The following RNF17 variants were observed in gnomAD, a reference collection of about 807,000 sequenced individuals.
RNF17 encodes the protein ring finger protein 17.
A neutral mutation model predicts 200.5 loss-of-function variants in RNF17; 31 were observed. The ratio of observed to expected loss-of-function variants is 0.15; its 90% CI spans 0.12 to 0.21. The LOEUF (loss-of-function observed/expected upper bound fraction) is 0.21, where lower values mean the gene tolerates loss of function less well. Ranked by LOEUF, RNF17 falls within the 10% of genes least tolerant of loss-of-function variation. The pLI is 1.00. For missense variants in RNF17, 1,628 were observed against 1,905.1 expected, an observed-to-expected ratio of 0.85 and a Z score of 2.71; for synonymous variants, 606 against 637.8, an observed-to-expected ratio of 0.95 and a Z score of 0.75.
intron 31 of RNF17, among the ~76,000 whole-genome samples, chr13:24,870,335 C>T (rs1442385926): frequency 6.6e-6 from 1 of 152,158 alleles, no homozygotes; most frequent in Non-Finnish European, 1.5e-5. Context: ...CCTCCCACCT[C>T]AGCCTTCCAA....
At chr13:24,779,059 TG>T (rs1257121081) in intron 4 of RNF17, among the ~76,000 whole-genome samples, 1 of 152,114 alleles carries the variant, frequency 6.6e-6, no homozygotes, top group Admixed American at 6.5e-5. Flanking sequence ...TGTGGTGCTG[TG>T]GTCGTGCACA....
intron 26 of RNF17, 48 bp downstream of exon 26, chr13:24,859,212 C>G (rs749571757): frequency 8.7e-6 from 12 of 1,375,300 alleles, no homozygotes; most frequent in Middle Eastern, 1.9e-4. Context: ...AATGCTATAG[C>G]ATTAAATAGT....
In RNF17 at chr13:24,789,404, A is replaced by G. The variant is rs770813851; in HGVS notation, c.840A>G (p.Pro280=). 2 of 1,603,036 alleles carry G rather than the reference A, an allele frequency of 1.2e-6. No individual in the cohort carries two copies. Among genetic ancestry groups the G allele is most frequent in the Admixed American group, 1.7e-5 (1 of 59,916 alleles). Residue 280 remains proline, a synonymous_variant, in exon 8 of 36, where the codon CCA becomes CCG. Transcript: ENST00000255324. ...GTGAATTAGCACAAGTTAGTTCTCC[A>G]CAACTAAGGAACCCTCCCAGGTAAG... The part of the protein sequence containing the change: ...SDSELAQVSS[P]QLRNPPRLSV...
At chr13:24,812,167 C>T (rs1178281783) in intron 15 of RNF17, among the ~76,000 whole-genome samples, 3 of 146,204 alleles carry the variant, frequency 2.1e-5, no homozygotes, top group African/African-American at 7.3e-5. Context: ...TGGTGGGCTC[C>T]ACCCAGTTCG....
At chr13:24,824,234 T>G in intron 15 of RNF17, 1 of 713,444 alleles carries the variant, frequency 1.4e-6, no homozygotes. Flanking sequence ...CACTTTCTCA[T>G]TTTTTCAATG....
At chr13:24,759,323 A>G (rs1878488004), upstream of RNF17, among the ~76,000 whole-genome samples, 1 of 152,182 alleles carries the variant, frequency 6.6e-6, no homozygotes, top group South Asian at 2.1e-4. Flanking sequence ...CACAAACACA[A>G]TTTAAAAATT....
chr13:24,782,068 A>G (rs1882455970), intron 6 of RNF17, 124 bp downstream of exon 6: 2 of 689,118 alleles, frequency 2.9e-6, no homozygotes, highest in African/African-American at 1.8e-5. Context: ...GTAACTTTCA[A>G]ACAAGTTTGG....
intron 16 of RNF17, among the ~76,000 whole-genome samples, chr13:24,827,658 C>T (rs911670355): frequency 1.3e-4 from 17 of 134,786 alleles, no homozygotes; most frequent in Admixed American, 6.4e-4. Context: ...GCCGAGATCC[C>T]GCCACTGCAC....
Position 24,842,046 on chromosome 13 carries a change from C to G in RNF17, c.2488C>G (p.Leu830Val). Residue 830 changes from leucine to valine, a missense_variant, in exon 19 of 36, where the codon CTG (leucine) becomes GTG (valine). By Grantham distance (32) the Leu-to-Val change is conservative (BLOSUM62 1). Around this residue, in one of 5 missense-constraint regions of RNF17, gnomAD observed 227 missense variants for 319.8 expected, o/e 0.71. Coordinates refer to ENST00000255324, the MANE Select transcript of RNF17 (RefSeq NM_031277.3). ...CTTTCTTAATGGTTTTACAGAAATT[C>G]TGGAAGATAATGTGCTCTTAGTTGA... ...KFMTCSVIKI[L>V]EDNVLLVELF... 2 of 1,601,750 alleles carry G rather than the reference C, an allele frequency of 1.2e-6. No individual in the cohort carries two copies. Among genetic ancestry groups the G allele is most frequent in the Non-Finnish European group, 8.5e-7 (1 of 1,175,732 alleles).
chr13:24,767,243 A>ATC (rs149280188), intron 1 of RNF17, 29 bp from the exon 2 acceptor site: 12 of 1,473,974 alleles, frequency 8.1e-6, no homozygotes, highest in South Asian at 2.3e-5. Context: ...CATCATCATC[A>ATC]AAATAATAAT....
chr13:24,861,316 C>G lies in RNF17; in HGVS notation c.3823C>G (p.Leu1275Val). Residue 1275 changes from leucine to valine, a missense_variant, in exon 27 of 36, where the codon CTT (leucine) becomes GTT (valine). Around this residue, in one of 5 missense-constraint regions of RNF17, gnomAD observed 609 missense variants for 681.9 expected, o/e 0.89. Transcript: ENST00000255324. ...GFTEKIPQCH[L>V]YPILLYPDIP... ...CACTGAAAAGATTCCGCAGTGCCATCTTTACCCTATTTTGCTGTATCCTGA... is the reference window on the plus strand; with the variant it reads ...CACTGAAAAGATTCCGCAGTGCCATGTTTACCCTATTTTGCTGTATCCTGA... 1 of 1,594,652 alleles carries G rather than the reference C, an allele frequency of 6.3e-7. No individual in the cohort carries two copies. The highest frequency in any genetic ancestry group is 1.1e-5 in the South Asian group (1 of 89,124).
downstream of RNF17, chr13:24,883,133 C>T (rs577663382): frequency 3.4e-6 from 5 of 1,491,452 alleles, no homozygotes; most frequent in African/African-American, 4.1e-5. Flanking sequence ...CATTTTTTAA[C>T]ATAAAAAGTC....
Position 24,812,674 on chromosome 13 carries a change from G to GCCC in RNF17, c.2091+8247_2091+8249dup, listed in dbSNP as rs71186848. The stretch of plus-strand genomic sequence containing the variant: ...AGCCATCTTGGCTCCTCCCCTCCCC[G>GCCC]CCCCACCCCCTTTTTTTTTTTTTTT... On this transcript the variant is annotated intron_variant, in intron 15 of 35. Transcript: ENST00000255324. Among the ~76,000 whole-genome samples, 237 of 24,100 alleles carry GCCC rather than the reference G, an allele frequency of 9.8e-3. 29 individuals are homozygous for GCCC. Among genetic ancestry groups the GCCC allele is most frequent in the Admixed American group, 0.022 (41 of 1,852 alleles). The allele number at this position is 24,100 out of a possible 152,430, so 15.8% of individuals were successfully genotyped here. A position where few individuals can be genotyped will look rare whatever the true frequency, so the allele number is the denominator to read the frequency against.
chr13:24,782,905 T>G (rs925907405), intron 6 of RNF17, among the ~76,000 whole-genome samples: 4 of 152,198 alleles, frequency 2.6e-5, no homozygotes, highest in African/African-American at 9.7e-5. Context: ...GTTTTTAATT[T>G]TATGAAGTCC....
chr13:24,857,699 G>A (rs374043026), intron 25 of RNF17, among the ~76,000 whole-genome samples: 2 of 152,266 alleles, frequency 1.3e-5, no homozygotes, highest in East Asian at 3.9e-4. Flanking sequence ...AGGAGTTTGC[G>A]ACCAGGCTGG....
chr13:24,772,426 A>AT lies in RNF17; in HGVS notation c.226-2366dup, dbSNP rs34066913. 5.1e-3 allele frequency among the ~76,000 whole-genome samples: 540 copies of AT among 106,020 alleles called. 5 individuals are homozygous for AT. The highest frequency in any genetic ancestry group is 0.013 in the Middle Eastern group (2 of 150). The allele number at this position is 106,020 out of a possible 152,430, so 69.6% of individuals were successfully genotyped here. A position where few individuals can be genotyped will look rare whatever the true frequency, so the allele number is the denominator to read the frequency against. On this transcript the variant is annotated intron_variant, in intron 2 of 35. Transcript: ENST00000255324. ...CTCCAGGAACCTGGTTTGAGTCTCC[A>AT]TTTTTTTTTTTTTTTTTTTTTGTTC...
chr13:24,872,071 C>T (rs542540724), intron 32 of RNF17, among the ~76,000 whole-genome samples: 17 of 138,842 alleles, frequency 1.2e-4, no homozygotes, highest in East Asian at 6.9e-4. Context: ...CGGGTTCAAA[C>T]GATTCTTCTG....
intron 32 of RNF17, among the ~76,000 whole-genome samples, chr13:24,871,844 T>TC (rs1894292473): frequency 6.6e-6 from 1 of 151,972 alleles, no homozygotes. Context: ...TCTTGGCCGG[T>TC]CTGGTCTCGA....
intron 34 of RNF17, 61 bp from the exon 35 acceptor site, chr13:24,879,126 G>C (rs1895167794): frequency 1.6e-5 from 21 of 1,272,892 alleles, no homozygotes; most frequent in Non-Finnish European, 2.3e-5. Context: ...GGCCAGATAT[G>C]AGAGGGAAAA....
Sources: gnomAD v4.1 joint callset for allele counts (sites outside exome capture counted in the v4.1 genomes callset) on GRCh38, gnomAD v4.1.1 for gene constraint, gnomAD v4.1.1 regional missense constraint, MANE v1.5 for transcripts, NCBI Gene and HGNC (gene_info 2026-07-23, HGNC 2026-07-21) for gene names.